The following TMEM39B variants were observed in gnomAD, a reference collection of about 807,000 sequenced individuals.
The protein encoded by TMEM39B is transmembrane protein 39B.
Under a neutral mutation model 52.2 loss-of-function variants are expected in TMEM39B, and 23 were observed. The observed-to-expected ratio is 0.44, with a 90% CI of 0.32 to 0.62. The LOEUF is 0.62. TMEM39B is among the 20% of genes least tolerant of loss of function. TMEM39B has a pLI of 0.06. For synonymous variants in TMEM39B, 285 were observed against 264.0 expected (o/e 1.08, Z -0.77); for missense variants, 547 against 642.0 (o/e 0.85, Z 1.60).
In TMEM39B at chr1:32,073,149, T is replaced by A. The variant is rs1639704739; in HGVS notation, c.4+98T>A. The A allele has an allele frequency of 2.2e-6, 3 of 1,340,688 alleles. No homozygotes were observed. In the South Asian group the frequency reaches 5.3e-5, roughly 24 times the overall value. The allele number at this position is 1,340,688 out of a possible 1,614,324, so 83.0% of individuals were successfully genotyped here. On this transcript the variant is annotated intron_variant, in intron 1 of 8. Transcript: ENST00000336294. ...CTGCTCCACGCGGACAGGAGCCCGG[T>A]GACGGGAGGGGGAGGGGATGCGAGC...
At chr1:32,095,048 T>A in intron 7 of TMEM39B, 77 bp downstream of exon 7, 1 of 1,495,724 alleles carries the variant, frequency 6.7e-7, no homozygotes, top group South Asian at 1.2e-5. Context: ...ACTCGCTGAT[T>A]AACTTATTTA....
In TMEM39B at chr1:32,100,479, G is replaced by T. The variant is rs1368770455; in HGVS notation, c.1153G>T (p.Val385Leu). 1 of 1,611,322 alleles carries T rather than the reference G, an allele frequency of 6.2e-7. No homozygotes were observed. The highest frequency in any genetic ancestry group is 1.3e-5 in the African/African-American group (1 of 74,894). The change falls in exon 8 of 9, where the codon GTG (valine) becomes TTG (leucine). Residue 385 changes from valine (V) to leucine (L), a missense_variant. Transcript: ENST00000336294. ...EECMWPQGVLVKHSKNVYKAV... is the reference protein window; with the variant it reads ...EECMWPQGVLLKHSKNVYKAV... ...ATGCATGTGGCCGCAGGGCGTGCTGGTGAAGCACAGCAAGAACGTCTACAA... is the reference window on the plus strand; with the variant it reads ...ATGCATGTGGCCGCAGGGCGTGCTGTTGAAGCACAGCAAGAACGTCTACAA...
rs1304498501 is a variant in TMEM39B at position 32,081,013 on chromosome 1, GA to G, written c.590+3696del. On this transcript the variant is annotated intron_variant, in intron 5 of 8. Transcript: ENST00000336294. ...CCAGTGCACTTCAGCGTGGACAACAGAGTGAGACCCTGTCTCTAAAAATAAA... is the reference window on the plus strand; with the variant it reads ...CCAGTGCACTTCAGCGTGGACAACAGGTGAGACCCTGTCTCTAAAAATAAA... Among the ~76,000 whole-genome samples, 3 of 151,912 alleles carry G rather than the reference GA, an allele frequency of 2.0e-5. No homozygotes were observed. In the East Asian group the frequency reaches 5.8e-4, roughly 29 times the overall value.
rs1041345086 is a variant in TMEM39B at position 32,076,304 on chromosome 1, T to C, written c.352-459T>C. On this transcript the variant is annotated intron_variant, in intron 3 of 8. Transcript: ENST00000336294. The stretch of plus-strand genomic sequence containing the variant: ...TTTTGTATTTTTAGTGGAGACAGGG[T>C]TTCACCATGTTGGTCAGGCTAGTCT... The C allele has an allele frequency of 2.2e-5, 6 of 276,196 alleles. No homozygotes were observed. The East Asian group carries it at 5.2e-4, about 24-fold the overall frequency. 17.1% of individuals were successfully genotyped at this position (276,196 alleles called of 1,614,324 possible).
At chr1:32,095,115 G>A in intron 7 of TMEM39B, 144 bp downstream of exon 7, 1 of 936,196 alleles carries the variant, frequency 1.1e-6, no homozygotes, top group Non-Finnish European at 1.6e-6. Flanking sequence ...TGTCCAGGGT[G>A]GGGTATGGTG....
chr1:32,073,688 C>G (rs1273682134), intron 1 of TMEM39B: 3 of 985,318 alleles, frequency 3.0e-6, no homozygotes, highest in Non-Finnish European at 3.6e-6. Context: ...AACAGAGCTT[C>G]TGGTCTGGGG....
rs34793281 is a variant in TMEM39B, at chr1:32,093,399, CTTT to C, written c.928-1357_928-1355del. Among the ~76,000 whole-genome samples, 143 of 50,346 alleles carry C rather than the reference CTTT, an allele frequency of 2.8e-3. 1 individual carries two copies. The highest frequency in any genetic ancestry group is 7.3e-3 in the African/African-American group (135 of 18,454). The allele number at this position is 50,346 out of a possible 152,430, so 33.0% of individuals were successfully genotyped here. A position where few individuals can be genotyped will look rare whatever the true frequency, so the allele number is the denominator to read the frequency against. ...TAGCCATGAGCCACCAAGCCCGGCC[CTTT>C]TTTTTTTTTTTTTTTTTTTTTTTTT... On this transcript the variant is annotated intron_variant, in intron 6 of 8. Coordinates refer to ENST00000336294, the MANE Select transcript of TMEM39B (RefSeq NM_018056.4).
rs116128955 is a variant in TMEM39B, at chr1:32,078,425, G to A, written c.590+1107G>A. Among the ~76,000 whole-genome samples the A allele has an allele frequency of 8.2e-3, 1,240 of 152,098 alleles. 22 individuals are homozygous for A. The highest frequency in any genetic ancestry group is 0.029 in the African/African-American group (1,195 of 41,490). On this transcript the variant is annotated intron_variant, in intron 5 of 8. Transcript: ENST00000336294. ...CTGAGCTCAGGAGGTCGAGGCTGCA[G>A]TGAGCCGAAATTGTGCCACTGTACT...
At chr1:32,101,456 A>G (rs912559812) in intron 8 of TMEM39B, among the ~76,000 whole-genome samples, 1 of 151,244 alleles carries the variant, frequency 6.6e-6, no homozygotes, top group Non-Finnish European at 1.5e-5. Flanking sequence ...AAAAACAATC[A>G]GAGGCCAAAA....
chr1:32,077,448 C>G, intron 5 of TMEM39B, 130 bp downstream of exon 5: 3 of 1,167,988 alleles, frequency 2.6e-6, no homozygotes, highest in Non-Finnish European at 3.6e-6. Context: ...CTCACATTGT[C>G]AGATGACACT....
At chr1:32,095,270 T>C (rs1476246088) in intron 7 of TMEM39B, among the ~76,000 whole-genome samples, 2 of 152,182 alleles carry the variant, frequency 1.3e-5, no homozygotes, top group Admixed American at 1.3e-4. Flanking sequence ...TGCTTCACTC[T>C]TCTCTTACCT....
intron 5 of TMEM39B, among the ~76,000 whole-genome samples, chr1:32,079,185 CT>C (rs763260333): frequency 1.5e-3 from 193 of 129,136 alleles, no homozygotes; most frequent in Middle Eastern, 4.2e-3. Flanking sequence ...CTATTTCTTT[CT>C]TTTTTTTTTT....
Position 32,091,997 on chromosome 1 carries a change from G to C in TMEM39B, c.913G>C (p.Val305Leu), listed in dbSNP as rs995749807. Residue 305 changes from valine to leucine, a missense_variant, in exon 6 of 9, where the codon GTC (valine) becomes CTC (leucine). Transcript: ENST00000336294. ...LSAYYVAFVPVWFVKNTHYYD... is the reference protein window; with the variant it reads ...LSAYYVAFVPLWFVKNTHYYD... The stretch of plus-strand genomic sequence containing the variant: ...CGCCTACTATGTGGCCTTTGTGCCT[G>C]TCTGGTTCGTGAAGGTGCGTACCTC... The C allele has an allele frequency of 4.3e-6, 7 of 1,613,582 alleles. No individual in the cohort carries two copies. The highest frequency in any genetic ancestry group is 5.9e-6 in the Non-Finnish European group (7 of 1,179,722).
At chr1:32,073,486 G>A in intron 1 of TMEM39B, 11 of 975,694 alleles carry the variant, frequency 1.1e-5, no homozygotes, top group Non-Finnish European at 1.4e-5. Flanking sequence ...GGGCTTCTGG[G>A]CTGAGAGGGC....
intron 5 of TMEM39B, among the ~76,000 whole-genome samples, chr1:32,085,014 T>C (rs896939092): frequency 2.0e-5 from 3 of 152,192 alleles, no homozygotes; most frequent in Non-Finnish European, 4.4e-5. Context: ...GTATTTTCCT[T>C]TCTGAAAGCA....
chr1:32,081,921 C>T (rs1569877816), intron 5 of TMEM39B, among the ~76,000 whole-genome samples: 1 of 152,036 alleles, frequency 6.6e-6, no homozygotes, highest in Non-Finnish European at 1.5e-5. Context: ...TCTTGTATAT[C>T]CTGGAAACAA....
intron 6 of TMEM39B, among the ~76,000 whole-genome samples, chr1:32,092,538 T>C (rs772131424): frequency 1.3e-5 from 2 of 152,132 alleles, no homozygotes; most frequent in Admixed American, 6.6e-5. Context: ...TTGGCCAGGC[T>C]AGAGTACAGT....
chr1:32,092,835 A>C (rs910733476), intron 6 of TMEM39B, among the ~76,000 whole-genome samples: 1 of 152,214 alleles, frequency 6.6e-6, no homozygotes, highest in Non-Finnish European at 1.5e-5. Context: ...ACTGAAGGGA[A>C]GTGACCTGTC....
At chr1:32,083,517 G>A (rs1193288488) in intron 5 of TMEM39B, among the ~76,000 whole-genome samples, 3 of 129,614 alleles carry the variant, frequency 2.3e-5, no homozygotes, top group East Asian at 5.0e-4. Flanking sequence ...TCACTTCCCA[G>A]TTTCAAGCGA....
Sources: allele counts gnomAD v4.1 joint callset (sites outside exome capture counted in the v4.1 genomes callset), GRCh38; gene constraint gnomAD v4.1.1; transcripts MANE v1.5; gene names NCBI Gene and HGNC (gene_info 2026-07-23, HGNC 2026-07-21).